Variants in PPP1R10 observed in about 807,000 individuals in gnomAD.
PPP1R10 encodes serine/threonine-protein phosphatase 1 regulatory subunit 10.
A neutral mutation model predicts 99.0 loss-of-function variants in PPP1R10; 15 were observed. The observed-to-expected ratio is 0.15, with a 90% confidence interval of 0.10 to 0.23. PPP1R10 has a LOEUF of 0.23. Among genes scored for constraint, PPP1R10 ranks in the 10% least tolerant of loss-of-function variants. PPP1R10 has a pLI of 1.00. For synonymous variants in PPP1R10, 430 were observed against 449.5 expected, an observed-to-expected ratio of 0.96 and a Z score of 0.55; for missense variants, 947 against 1,259.4, an observed-to-expected ratio of 0.75 and a Z score of 3.75.
intron 16 of PPP1R10, 43 bp from the exon 17 acceptor site, chr6:30,603,328 A>G: frequency 1.9e-6 from 3 of 1,590,674 alleles, no homozygotes; most frequent in Non-Finnish European, 2.6e-6. Flanking sequence ...CAGAAAGGGT[A>G]ACAACCATGG....
At position 30,608,929 on chromosome 6, in the gene PPP1R10, G is replaced by T. The variant is rs773350175; in HGVS notation, c.195-15C>A. ...CGTCAATAAATCTGCAGGCAGGCAG[G>T]AGAGTCTATCAGTAATGCCCTTTCT... On this transcript the variant is annotated splice_polypyrimidine_tract_variant and intron_variant, in intron 4 of 19. Coordinates refer to ENST00000376511, the MANE Select transcript of PPP1R10 (RefSeq NM_002714.4). 1 of 1,613,986 alleles carries T rather than the reference G, an allele frequency of 6.2e-7. No individual in the cohort carries two copies. Among genetic ancestry groups the T allele is most frequent in the African/African-American group, 1.3e-5 (1 of 74,904 alleles).
chr6:30,603,747 C>T (rs1803624046), intron 15 of PPP1R10, 33 bp downstream of exon 15: 1 of 1,544,346 alleles, frequency 6.5e-7, no homozygotes, highest in Non-Finnish European at 8.7e-7. Context: ...CAATGACCAT[C>T]ACAACTTCCA....
At chr6:30,601,699 G>C (rs754298549) in intron 19 of PPP1R10, 41 bp from the exon 20 acceptor site, 8 of 1,559,678 alleles carry the variant, frequency 5.1e-6, no homozygotes, top group Non-Finnish European at 6.2e-6. Context: ...GGAAATAGCT[G>C]AGGGCAATGC....
rs533693947 is a variant in PPP1R10 at position 30,602,262 on chromosome 6, C to T, written c.2387G>A (p.Gly796Glu). ...GCCAGGGCCTTCGTGGGGACGATGT[C>T]CTCCACCCCCACCCATGCTACCACC... ...GPGGSMGGGG[G>E]HRPHEGPGGG... Residue 796 changes from glycine (G) to glutamate (E), a missense_variant, in exon 19 of 20, where the codon GGA becomes GAA. Physicochemically the swap from Gly to Glu is moderately conservative, Grantham distance 98 (BLOSUM62 -2). Around this residue, in one of 10 missense-constraint regions of PPP1R10, gnomAD observed 525 missense variants for 578.8 expected, o/e 0.91. Transcript: ENST00000376511. The surrounding 1 kb of genome is among the most constrained non-coding windows in gnomAD (Gnocchi z 6.7). 6.2e-7 allele frequency: 1 copy of T among 1,612,340 alleles called. No individual in the cohort carries two copies. The highest frequency in any genetic ancestry group is 1.1e-5 in the South Asian group (1 of 91,024).
intron 2 of PPP1R10, among the ~76,000 whole-genome samples, chr6:30,615,526 G>A (rs1760389376): frequency 1.3e-5 from 2 of 152,130 alleles, no homozygotes. Context: ...CCGCTTGGAA[G>A]ACAAAAGGAC....
At position 30,601,401 on chromosome 6, in the gene PPP1R10, C is replaced by T. The variant is rs1803297643; in HGVS notation, c.*148G>A. 4.6e-6 allele frequency: 3 copies of T among 651,136 alleles called. No homozygotes were observed. The highest frequency in any genetic ancestry group is 5.4e-6 in the Non-Finnish European group (2 of 373,228). The allele number at this position is 651,136 out of a possible 1,614,324, so 40.3% of individuals were successfully genotyped here. A position where few individuals can be genotyped will look rare whatever the true frequency, so the allele number is the denominator to read the frequency against. ...ATGCGCACCAGTGATCAGAAAACCC[C>T]CAGGAACCCAAGCAAGTGGGAACTG... On this transcript the variant is annotated 3_prime_UTR_variant, in exon 20 of 20. Transcript: ENST00000376511.
intron 14 of PPP1R10, 39 bp downstream of exon 14, chr6:30,603,969 G>A (rs1400822584): frequency 6.5e-7 from 1 of 1,548,248 alleles, no homozygotes. Context: ...GAGTGTCCAA[G>A]CACTCAACAT....
In PPP1R10 at chr6:30,604,972, A is replaced by C. The variant is rs1055158188; in HGVS notation, c.954+22T>G. On this transcript the variant is annotated intron_variant, in intron 11 of 19. Coordinates refer to ENST00000376511, the MANE Select transcript of PPP1R10 (RefSeq NM_002714.4). This position sits in a 1 kb window ranked among gnomAD's most constrained non-coding sequence, Gnocchi z 7.3. ...TTACCTTTTATACTCTGTCACTGAA[A>C]CCTACTTCTGGGAGCCCATACCTTG... 1.2e-6 allele frequency: 2 copies of C among 1,606,434 alleles called. No homozygotes were observed. The highest frequency in any genetic ancestry group is 2.7e-5 in the African/African-American group (2 of 74,660).
In PPP1R10 at chr6:30,604,101, G is replaced by A. The variant is rs1803668181; in HGVS notation, c.1415C>T (p.Pro472Leu). 1 of 1,614,010 alleles carries A rather than the reference G, an allele frequency of 6.2e-7. No homozygotes were observed. Among genetic ancestry groups the A allele is most frequent in the Admixed American group, 1.7e-5 (1 of 59,990 alleles). ...VCPRPLVLPS[P>L]LVTPGSNSQE... ...ACTATTGCTTCCAGGGGTGACAAGA[G>A]GTGAGGGCAGAACCAGGGGCCGGGG... Residue 472 changes from proline to leucine, a missense_variant, in exon 14 of 20, where the codon CCT becomes CTT. Physicochemically the swap from Pro to Leu is moderately conservative, Grantham distance 98 (BLOSUM62 -3). Transcript: ENST00000376511. The surrounding 1 kb of genome is among the most constrained non-coding windows in gnomAD (Gnocchi z 7.3).
chr6:30,613,140 C>A (rs1005204079), intron 2 of PPP1R10, among the ~76,000 whole-genome samples: 3 of 152,138 alleles, frequency 2.0e-5, no homozygotes, highest in African/African-American at 4.8e-5. Context: ...ACCATTTTTA[C>A]CAGAGATAAA....
At position 30,606,694 on chromosome 6, in the gene PPP1R10, G is replaced by T; in HGVS notation, c.461-53C>A. 1 of 1,612,894 alleles carries T rather than the reference G, an allele frequency of 6.2e-7. No individual in the cohort carries two copies. The highest frequency in any genetic ancestry group is 8.5e-7 in the Non-Finnish European group (1 of 1,178,872). The stretch of plus-strand genomic sequence containing the variant: ...GATTTTATTTAGATGAACACTGTCA[G>T]AGGTGAAGCAGACTGGGAGCACCTA... On this transcript the variant is annotated intron_variant, in intron 7 of 19. Transcript: ENST00000376511. The surrounding 1 kb of genome is among the most constrained non-coding windows in gnomAD (Gnocchi z 6.3).
Position 30,605,968 on chromosome 6 carries a change from G to A in PPP1R10, c.808C>T (p.Pro270Ser), listed in dbSNP as rs775708360. 1.2e-6 allele frequency: 2 copies of A among 1,613,948 alleles called. No individual in the cohort carries two copies. Among genetic ancestry groups the A allele is most frequent in the African/African-American group, 1.3e-5 (1 of 74,906 alleles). Residue 270 changes from proline to serine, a missense_variant, in exon 10 of 20, where the codon CCT becomes TCT. By Grantham distance (74) the Pro-to-Ser change is moderately conservative. Transcript: ENST00000376511. ...ACTTTGATCTCTTTGGTGGCATTAG[G>A]TGTTGTGTTGAGTGGCTTGTATTTC... is the stretch of plus-strand genomic sequence containing the variant. ...EKKYKPLNTT[P>S]NATKEIKVKI...
Position 30,609,276 on chromosome 6 carries a change from G to T in PPP1R10, c.108-113C>A. 2 of 901,960 alleles carry T rather than the reference G, an allele frequency of 2.2e-6. No homozygotes were observed. The highest frequency in any genetic ancestry group is 3.5e-6 in the Non-Finnish European group (2 of 567,724). The allele number at this position is 901,960 out of a possible 1,614,324, so 55.9% of individuals were successfully genotyped here. A position where few individuals can be genotyped will look rare whatever the true frequency, so the allele number is the denominator to read the frequency against. ...CCTAATGACTTGGGACTTTGCTCCA[G>T]AGAAGGGGAGTCACATATACCTCTA... is the stretch of plus-strand genomic sequence containing the variant. On this transcript the variant is annotated intron_variant, in intron 3 of 19. Transcript: ENST00000376511. The surrounding 1 kb of genome is among the most constrained non-coding windows in gnomAD (Gnocchi z 4.5).
At chr6:30,603,421 G>A (rs1351727010) in intron 16 of PPP1R10, 51 bp downstream of exon 16, 12 of 1,591,128 alleles carry the variant, frequency 7.5e-6, no homozygotes, top group African/African-American at 1.3e-5. Context: ...TGAGGAGAGC[G>A]AGCTTAAGGA....
In PPP1R10 at chr6:30,609,006, G is replaced by A. The variant is rs1804268556; in HGVS notation, c.194+71C>T. The A allele has an allele frequency of 1.2e-6, 2 of 1,610,774 alleles. No homozygotes were observed. The highest frequency in any genetic ancestry group is 1.7e-6 in the Non-Finnish European group (2 of 1,177,344). On this transcript the variant is annotated intron_variant, in intron 4 of 19. Coordinates refer to ENST00000376511, the MANE Select transcript of PPP1R10 (RefSeq NM_002714.4). This position sits in a 1 kb window ranked among gnomAD's most constrained non-coding sequence, Gnocchi z 4.5. ...ATCCCAGTCTCCCATCAATGACCGAGGAACCCCATGCCTCACCGCCCCATC... is the reference window on the plus strand; with the variant it reads ...ATCCCAGTCTCCCATCAATGACCGAAGAACCCCATGCCTCACCGCCCCATC...
chr6:30,611,922 G>C (rs1350503416), intron 2 of PPP1R10, among the ~76,000 whole-genome samples: 1 of 152,192 alleles, frequency 6.6e-6, no homozygotes, highest in Non-Finnish European at 1.5e-5. Context: ...CACAGAGACA[G>C]ACACAGAAAT....
At position 30,604,679 on chromosome 6, in the gene PPP1R10, GGAA is replaced by G. The variant is rs1015951124; in HGVS notation, c.1008_1010del (p.Ser337del). On this transcript the variant is annotated inframe_deletion, in exon 12 of 20. Coordinates refer to ENST00000376511, the MANE Select transcript of PPP1R10 (RefSeq NM_002714.4). The surrounding 1 kb of genome is among the most constrained non-coding windows in gnomAD (Gnocchi z 7.3). ...CCTCAGAAGGTGGTGCTGGTTCTGGGGAAGAAGGTTTGGCTGTGCTTGGTTCTG... is the reference window on the plus strand; with the variant it reads ...CCTCAGAAGGTGGTGCTGGTTCTGGGGAAGGTTTGGCTGTGCTTGGTTCTG... The G allele has an allele frequency of 1.1e-5, 18 of 1,613,022 alleles. No individual in the cohort carries two copies. Among genetic ancestry groups the G allele is most frequent in the Middle Eastern group, 1.6e-4 (1 of 6,084 alleles).
rs769034229 is a variant in PPP1R10, at chr6:30,606,046, A to C, written c.741-11T>G. The C allele has an allele frequency of 1.2e-6, 2 of 1,613,660 alleles. No individual in the cohort carries two copies. The highest frequency in any genetic ancestry group is 1.7e-4 in the Middle Eastern group (1 of 6,058). ...GGAGCAGCTACGTTGCTGTCAGAAG[A>C]GGAACTGTCATCAACATCTCCGACT... On this transcript the variant is annotated splice_polypyrimidine_tract_variant and intron_variant, in intron 9 of 19. Transcript: ENST00000376511. This position sits in a 1 kb window ranked among gnomAD's most constrained non-coding sequence, Gnocchi z 6.3.
chr6:30,608,581 G>A (rs1211468993), intron 5 of PPP1R10, among the ~76,000 whole-genome samples, 198 bp downstream of exon 5: 1 of 152,110 alleles, frequency 6.6e-6, no homozygotes, highest in Non-Finnish European at 1.5e-5. Context: ...GATCACAGGC[G>A]TGAGCCACCG....
Sources: gnomAD v4.1 joint callset for allele counts (sites outside exome capture counted in the v4.1 genomes callset) on GRCh38, gnomAD v4.1.1 for gene constraint, gnomAD v4.1.1 regional missense constraint, Gnocchi (gnomAD v3.1) non-coding constraint, MANE v1.5 for transcripts, NCBI Gene and HGNC (gene_info 2026-07-23, HGNC 2026-07-21) for gene names.